USP10: variants seen among roughly 807,000 people sequenced by gnomAD.
USP10 encodes the protein ubiquitin specific peptidase 10.
USP10 carries 22 observed loss-of-function variants against 84.5 expected under a neutral mutation model. The ratio of observed to expected loss-of-function variants is 0.26; its 90% CI spans 0.19 to 0.37. USP10 has a LOEUF of 0.37. USP10 is among the 10% of genes least tolerant of loss of function. The pLI is 1.00. For missense variants in USP10, 1,019 were observed against 998.9 expected, an observed-to-expected ratio of 1.02 and a Z score of -0.27; for synonymous variants, 454 against 387.6, an observed-to-expected ratio of 1.17 and a Z score of -2.01.
intron 2 of USP10, among the ~76,000 whole-genome samples, chr16:84,738,770 T>C (rs540795980): frequency 6.6e-6 from 1 of 152,336 alleles, no homozygotes; most frequent in East Asian, 1.9e-4. Flanking sequence ...CTTACTGCGT[T>C]ACTAGCAGAG....
At chr16:84,717,263 T>TAA (rs1328917726) in intron 1 of USP10, among the ~76,000 whole-genome samples, 1 of 152,134 alleles carries the variant, frequency 6.6e-6, no homozygotes, top group Non-Finnish European at 1.5e-5. Context: ...GGGGTGGGCC[T>TAA]AATTCCCTTA....
At chr16:84,759,228 C>G in intron 5 of USP10, 135 bp from the exon 6 acceptor site, 1 of 766,328 alleles carries the variant, frequency 1.3e-6, no homozygotes, top group Non-Finnish European at 2.2e-6. Context: ...TATTCCTTTT[C>G]GTGGTGACAT....
In USP10 at chr16:84,744,698, A is replaced by T; in HGVS notation, c.217A>T (p.Arg73Ter). 6.2e-7 allele frequency: 1 copy of T among 1,613,716 alleles called. No individual in the cohort carries two copies. Among genetic ancestry groups the T allele is most frequent in the Non-Finnish European group, 8.5e-7 (1 of 1,179,716 alleles). Residue 73 changes from arginine to a stop codon, truncating the protein, a stop_gained, in exon 4 of 14, where the codon AGA becomes TGA. Transcript: ENST00000219473. LOFTEE classifies it high-confidence loss of function. ...CATTGAACCCAGTGACACTTTGCCG[A>T]GAACCCCCAGCTACAGTATTTCAAG... is the stretch of plus-strand genomic sequence containing the variant. ...EVIEPSDTLP[R>*]TPSYSISSTL...
In USP10 at chr16:84,744,957, A is replaced by G. The variant is rs370823182; in HGVS notation, c.476A>G (p.Tyr159Cys). The G allele has an allele frequency of 6.2e-7, 1 of 1,613,808 alleles. No individual in the cohort carries two copies. The highest frequency in any genetic ancestry group is 8.5e-7 in the Non-Finnish European group (1 of 1,179,720). ...RKKKKKRPPGYYSYLKDGGDD... is the reference protein window; with the variant it reads ...RKKKKKRPPGCYSYLKDGGDD... ...AAGAAGAAAAAGCGGCCACCTGGAT[A>G]TTACAGCTATTTGAAAGATGGTGGC... Residue 159 changes from tyrosine (Y) to cysteine (C), a missense_variant, in exon 4 of 14, where the codon TAT (tyrosine) becomes TGT (cysteine). Coordinates refer to ENST00000219473, the MANE Select transcript of USP10 (RefSeq NM_005153.3).
chr16:84,704,633 G>A (rs1472299924), intron 1 of USP10: 4 of 1,368,376 alleles, frequency 2.9e-6, no homozygotes, highest in Non-Finnish European at 2.9e-6. Flanking sequence ...TATGTGTATA[G>A]TATTTGTTTC....
At chr16:84,729,756 A>T (rs939057734) in intron 1 of USP10, among the ~76,000 whole-genome samples, 1 of 152,180 alleles carries the variant, frequency 6.6e-6, no homozygotes, top group African/African-American at 2.4e-5. Flanking sequence ...GTGTATTTTG[A>T]TGGAGTTGTT....
At chr16:84,721,018 C>T (rs1461180455) in intron 1 of USP10, among the ~76,000 whole-genome samples, 13 of 150,026 alleles carry the variant, frequency 8.7e-5, no homozygotes, top group African/African-American at 2.7e-4. Flanking sequence ...CTCAGCCTCT[C>T]GAGTAGCCGG....
At chr16:84,772,497 A>C (rs754705826) in intron 11 of USP10, 44 bp from the exon 12 acceptor site, 61 of 1,608,744 alleles carry the variant, frequency 3.8e-5, no homozygotes, top group Non-Finnish European at 1.3e-5. Context: ...TAGCTGTTGC[A>C]AGTAAGACAG....
At chr16:84,751,926 A>G (rs186530847) in intron 4 of USP10, among the ~76,000 whole-genome samples, 3 of 152,350 alleles carry the variant, frequency 2.0e-5, no homozygotes, top group Admixed American at 6.5e-5. Context: ...TTATGATGAC[A>G]TAAAAGTTTA....
At chr16:84,732,646 C>G (rs967550446) in intron 1 of USP10, 1 of 303,194 alleles carries the variant, frequency 3.3e-6, no homozygotes, top group Non-Finnish European at 6.4e-6. Flanking sequence ...GGGGGTTTCA[C>G]CATGTTGGCC....
chr16:84,762,479 T>C (rs1043728725), intron 8 of USP10, among the ~76,000 whole-genome samples: 2 of 152,128 alleles, frequency 1.3e-5, no homozygotes, highest in African/African-American at 2.4e-5. Context: ...TCACCTGAGG[T>C]CAGGAGTTTG....
rs1163687123 is a variant in USP10 at position 84,721,920 on chromosome 16, A to G, written c.22-11515A>G. The stretch of plus-strand genomic sequence containing the variant: ...ACCGTGTTGCCTAGGCTGATCTTGA[A>G]CTCCTCTCAAGTGATCCTCTCACCT... On this transcript the variant is annotated intron_variant, in intron 1 of 13. Coordinates refer to ENST00000219473, the MANE Select transcript of USP10 (RefSeq NM_005153.3). Among the ~76,000 whole-genome samples, 6 of 151,272 alleles carry G rather than the reference A, an allele frequency of 4.0e-5. No individual in the cohort carries two copies. In the East Asian group the frequency reaches 1.2e-3, roughly 29 times the overall value.
intron 1 of USP10, among the ~76,000 whole-genome samples, chr16:84,706,832 G>A (rs546287619): frequency 1.1e-4 from 17 of 151,892 alleles, no homozygotes; most frequent in African/African-American, 3.6e-4. Context: ...GAGCCACCGC[G>A]CCGGGCCAAG....
At chr16:84,729,652 G>T (rs1008748304) in intron 1 of USP10, among the ~76,000 whole-genome samples, 5 of 152,208 alleles carry the variant, frequency 3.3e-5, no homozygotes, top group African/African-American at 1.2e-4. Flanking sequence ...CTTTATTTCA[G>T]TTATAAAATC....
chr16:84,714,425 C>G (rs1028603787), intron 1 of USP10, among the ~76,000 whole-genome samples: 5 of 152,184 alleles, frequency 3.3e-5, no homozygotes, highest in African/African-American at 1.2e-4. Context: ...CTTAGGCCAT[C>G]CTCCCTCTTT....
chr16:84,763,480 C>A (rs925750900), intron 9 of USP10, among the ~76,000 whole-genome samples: 4 of 152,130 alleles, frequency 2.6e-5, no homozygotes, highest in African/African-American at 9.7e-5. Flanking sequence ...CTGAATGATT[C>A]AAAGTTAAGT....
At chr16:84,736,143 C>T (rs904387603) in intron 2 of USP10, among the ~76,000 whole-genome samples, 3 of 152,138 alleles carry the variant, frequency 2.0e-5, no homozygotes, top group Non-Finnish European at 4.4e-5. Context: ...GGCCTTTTAT[C>T]TCTCAGGTAA....
rs1555541026 is a variant in USP10 at position 84,735,196 on chromosome 16, G to GA, written c.90+1693_90+1694insA. ...CAGGTGTGTGCTGCCAGGCCCGGGT[G>GA]GTGTGTGTGTGTGTGTGTGTGTGTG... On this transcript the variant is annotated intron_variant, in intron 2 of 13. Transcript: ENST00000219473. Among the ~76,000 whole-genome samples, 1,271 of 146,362 alleles carry GA rather than the reference G, an allele frequency of 8.7e-3. 20 individuals are homozygous for GA. Among genetic ancestry groups the GA allele is most frequent in the African/African-American group, 0.03 (1,178 of 39,382 alleles).
At chr16:84,733,641 C>T in intron 2 of USP10, 138 bp downstream of exon 2, 2 of 552,296 alleles carry the variant, frequency 3.6e-6, no homozygotes, top group South Asian at 2.9e-5. Context: ...TGCCTCAACC[C>T]ACCAACTAGA....
Sources: gnomAD v4.1 joint callset for allele counts (sites outside exome capture counted in the v4.1 genomes callset) on GRCh38, gnomAD v4.1.1 for gene constraint, MANE v1.5 for transcripts, NCBI Gene and HGNC (gene_info 2026-07-23, HGNC 2026-07-21) for gene names.